Variants in AXDND1 observed in about 807,000 individuals in gnomAD.
AXDND1 encodes the protein axonemal dynein light chain domain-containing protein 1.
AXDND1 carries 110 observed loss-of-function variants against 137.5 expected under a neutral mutation model. The observed-to-expected ratio is 0.80, with a 90% CI of 0.69 to 0.94. AXDND1 has a LOEUF of 0.94. Ranked by LOEUF, AXDND1 falls within the 40% of genes least tolerant of loss-of-function variation. The pLI, the probability that AXDND1 is intolerant of heterozygous loss-of-function variation, is 0.00. For synonymous variants in AXDND1, 414 were observed against 399.7 expected (o/e 1.04, Z -0.43); for missense variants, 1,191 against 1,169.8 (o/e 1.02, Z -0.26).
rs1659543625 is a variant in AXDND1, at chr1:179,445,097, A to C, written c.1691A>C (p.Lys564Thr). 1 of 1,613,498 alleles carries C rather than the reference A, an allele frequency of 6.2e-7. No individual in the cohort carries two copies. Among genetic ancestry groups the C allele is most frequent in the Non-Finnish European group, 8.5e-7 (1 of 1,179,634 alleles). Residue 564 changes from lysine (K) to threonine (T), a missense_variant, in exon 16 of 26, where the codon AAA becomes ACA. By Grantham distance (78) the Lys-to-Thr change is moderately conservative. Transcript: ENST00000367618. Reference sequence around the variant, plus strand: ...GGGCTTGGGATATTTAATCGGCATAAAAGTTTGGAGGGGGAGATGCCATCA... The same window carrying C: ...GGGCTTGGGATATTTAATCGGCATACAAGTTTGGAGGGGGAGATGCCATCA... ...DIGLGIFNRH[K>T]SLEGEMPSER...
intron 21 of AXDND1, among the ~76,000 whole-genome samples, chr1:179,520,314 A>G (rs1334745707): frequency 1.3e-5 from 2 of 152,162 alleles, no homozygotes; most frequent in Non-Finnish European, 2.9e-5. Flanking sequence ...TAGATATAGG[A>G]TCATGTCATC....
chr1:179,452,714 A>G (rs1299298757), intron 16 of AXDND1: 2 of 150,558 alleles, frequency 1.3e-5, no homozygotes, highest in Admixed American at 6.6e-5. Context: ...AAAAAAAAAA[A>G]AAAAAAAGAA....
chr1:179,446,916 A>G (rs78940976), intron 16 of AXDND1, among the ~76,000 whole-genome samples: 16,032 of 61,230 alleles, frequency 0.26, 969 homozygotes, highest in East Asian at 0.27. Context: ...TCTATATTTT[A>G]CTTTTAAAAA....
intron 20 of AXDND1, among the ~76,000 whole-genome samples, chr1:179,493,688 T>TATTTC (rs1345586131): frequency 6.6e-6 from 1 of 152,190 alleles, no homozygotes; most frequent in Admixed American, 6.5e-5. Context: ...ATTCGCTGTA[T>TATTTC]ATTTCAAAAT....
chr1:179,507,027 T>G (rs1463729783), intron 20 of AXDND1: 3 of 432,986 alleles, frequency 6.9e-6, no homozygotes, highest in Middle Eastern at 1.1e-3. Context: ...TGGTACCCTA[T>G]AAAAGACTCT....
intron 11 of AXDND1, among the ~76,000 whole-genome samples, chr1:179,398,015 G>A (rs1651339080): frequency 6.6e-6 from 1 of 152,136 alleles, no homozygotes; most frequent in Non-Finnish European, 1.5e-5. Flanking sequence ...GCCCAGTTCA[G>A]AACCCTTGCT....
At chr1:179,452,733 C>T (rs1317623999) in intron 16 of AXDND1, 1 of 147,408 alleles carries the variant, frequency 6.8e-6, no homozygotes, top group South Asian at 2.2e-4. Flanking sequence ...AAAAGAAAAT[C>T]CCATTTTCTG....
intron 21 of AXDND1, among the ~76,000 whole-genome samples, chr1:179,517,024 A>G (rs1475441317): frequency 1.3e-5 from 2 of 152,170 alleles, no homozygotes; most frequent in African/African-American, 2.4e-5. Flanking sequence ...TCCCAAGAGT[A>G]TATTTCTTCA....
rs150870838 is a variant in AXDND1, at chr1:179,534,275, G to A, written c.2798+398G>A. Among the ~76,000 whole-genome samples the A allele has an allele frequency of 3.3e-3, 503 of 152,282 alleles. 4 individuals are homozygous for A. Among genetic ancestry groups the A allele is most frequent in the African/African-American group, 0.012 (486 of 41,566 alleles). ...TGGCTGGGGATGCCAGGAGAAGAGC[G>A]TAGCCATGTAGACATATAACGTGCT... On this transcript the variant is annotated intron_variant, in intron 24 of 25. Transcript: ENST00000367618.
chr1:179,376,434 G>A (rs1647279346), intron 4 of AXDND1, among the ~76,000 whole-genome samples: 1 of 152,180 alleles, frequency 6.6e-6, no homozygotes, highest in African/African-American at 2.4e-5. Flanking sequence ...AAAAATTCAT[G>A]TATAAGCAGA....
chr1:179,549,723 C>T (rs10913816), intron 25 of AXDND1, among the ~76,000 whole-genome samples: 62,400 of 151,820 alleles, frequency 0.41, 13,247 homozygotes, highest in African/African-American at 0.51. Flanking sequence ...CAACAACCCT[C>T]GGTGCCATCT....
At chr1:179,486,139 A>AAAAAAAACAAAAAAAAAAAACT (rs149119239) in intron 18 of AXDND1, among the ~76,000 whole-genome samples, 1 of 87,770 alleles carries the variant, frequency 1.1e-5, no homozygotes, top group Non-Finnish European at 2.3e-5. Context: ...AAAAAAAAAA[A>AAAAAAAACAAAAAAAAAAAACT]AACCTGATAG....
intron 23 of AXDND1, among the ~76,000 whole-genome samples, chr1:179,531,357 C>T (rs902162094): frequency 6.6e-6 from 1 of 152,158 alleles, no homozygotes; most frequent in Non-Finnish European, 1.5e-5. Flanking sequence ...CCCTCTCATA[C>T]TCCTAACTTG....
chr1:179,441,188 C>T (rs1457513372), intron 15 of AXDND1, among the ~76,000 whole-genome samples: 1 of 152,200 alleles, frequency 6.6e-6, no homozygotes, highest in African/African-American at 2.4e-5. Flanking sequence ...TTGAGCAGCA[C>T]TGATTGGCCC....
At chr1:179,422,063 C>T (rs554103472) in intron 12 of AXDND1, among the ~76,000 whole-genome samples, 83 of 141,034 alleles carry the variant, frequency 5.9e-4, no homozygotes, top group African/African-American at 2.0e-3. Flanking sequence ...AAAAAAAAAA[C>T]AGCAGCTTTT....
intron 4 of AXDND1, among the ~76,000 whole-genome samples, chr1:179,375,328 A>C (rs912870456): frequency 6.6e-6 from 1 of 151,928 alleles, no homozygotes; most frequent in African/African-American, 2.4e-5. Context: ...GGTTTTGAAC[A>C]CTTGACCTCA....
At chr1:179,477,649 G>A (rs1054824651) in intron 17 of AXDND1, among the ~76,000 whole-genome samples, 2 of 152,052 alleles carry the variant, frequency 1.3e-5, no homozygotes, top group African/African-American at 4.8e-5. Flanking sequence ...ATAAGATTTG[G>A]GTGGGGACAC....
chr1:179,485,161 C>T (rs1318725260), intron 18 of AXDND1, among the ~76,000 whole-genome samples: 4 of 152,226 alleles, frequency 2.6e-5, no homozygotes, highest in African/African-American at 4.8e-5. Context: ...TCCCTGCCCT[C>T]ATTAGTGCCC....
chr1:179,442,888 G>A (rs1403738309), intron 15 of AXDND1, among the ~76,000 whole-genome samples: 1 of 152,162 alleles, frequency 6.6e-6, no homozygotes. Flanking sequence ...AGACAAAAGA[G>A]TATATTTGGA....
Sources: allele counts gnomAD v4.1 joint callset (sites outside exome capture counted in the v4.1 genomes callset), GRCh38; gene constraint gnomAD v4.1.1; transcripts MANE v1.5; gene names NCBI Gene and HGNC (gene_info 2026-07-23, HGNC 2026-07-21).